Variants in MEIS3 observed in about 807,000 individuals in gnomAD.
MEIS3 encodes the protein Meis homeobox 3, also known as homeobox protein Meis3.
MEIS3 carries 38 observed loss-of-function variants against 51.4 expected under a neutral mutation model. The ratio of observed to expected loss-of-function variants is 0.74; its 90% CI spans 0.57 to 0.97. The LOEUF (loss-of-function observed/expected upper bound fraction) is 0.97. Among genes scored for constraint, MEIS3 ranks in the 50% least tolerant of loss-of-function variants. The probability of loss-of-function intolerance (pLI) is 0.00; values close to 1 mark genes in which losing one functional copy is unlikely to be tolerated. For missense variants in MEIS3, 456 were observed against 502.6 expected (o/e 0.91, Z 0.89); for synonymous variants, 198 against 201.8 (o/e 0.98, Z 0.16).
upstream of MEIS3, among the ~76,000 whole-genome samples, chr19:47,419,915 G>A (rs1407714496): frequency 6.6e-6 from 1 of 152,124 alleles, no homozygotes; most frequent in Non-Finnish European, 1.5e-5. Context: ...CTGGAGTCTG[G>A]TCCCACCGTA....
chr19:47,414,397 G>A (rs1448085036), intron 6 of MEIS3, among the ~76,000 whole-genome samples: 2 of 152,234 alleles, frequency 1.3e-5, no homozygotes, highest in Admixed American at 6.5e-5. Context: ...GTGAGTACCC[G>A]GTGGACGCTA....
chr19:47,413,367 C>T (rs1019763717), intron 6 of MEIS3, among the ~76,000 whole-genome samples: 13 of 150,410 alleles, frequency 8.6e-5, no homozygotes, highest in South Asian at 2.1e-4. Flanking sequence ...CACTCCATTC[C>T]GGTCTGGGTG....
upstream of MEIS3, among the ~76,000 whole-genome samples, chr19:47,421,330 C>T (rs1036335837): frequency 2.6e-5 from 4 of 152,146 alleles, no homozygotes; most frequent in African/African-American, 7.2e-5. Flanking sequence ...GATCTCTCAG[C>T]GGACTGGCCC....
intron 9 of MEIS3, 44 bp downstream of exon 9, chr19:47,407,308 G>C: frequency 6.3e-7 from 1 of 1,593,720 alleles, no homozygotes; most frequent in Non-Finnish European, 8.6e-7. Context: ...CAGCGCCCGG[G>C]CTCTCGCCCC....
At chr19:47,405,502 C>A (rs992570354) in intron 12 of MEIS3, among the ~76,000 whole-genome samples, 6 of 151,990 alleles carry the variant, frequency 3.9e-5, no homozygotes, top group Non-Finnish European at 8.8e-5. Flanking sequence ...CCCCACAAGA[C>A]CAGAATCTTC....
intron 1 of MEIS3, chr19:47,418,033 C>T (rs1299947184): frequency 2.9e-6 from 1 of 345,782 alleles, no homozygotes; most frequent in Non-Finnish European, 5.3e-6. Context: ...GCATTTAGCA[C>T]AGGGCCTGGC....
intron 6 of MEIS3, chr19:47,412,255 GT>G (rs1971170676): frequency 6.6e-6 from 1 of 152,216 alleles, no homozygotes; most frequent in Non-Finnish European, 1.5e-5. Flanking sequence ...TGCAGTAACA[GT>G]TCTTTGTTTT....
upstream of MEIS3, among the ~76,000 whole-genome samples, chr19:47,421,799 C>T (rs2122593258): frequency 6.6e-6 from 1 of 150,376 alleles, no homozygotes; most frequent in East Asian, 2.0e-4. Context: ...GTCTTCTCTG[C>T]CTCATCTTTC....
In MEIS3 at chr19:47,406,980, G is replaced by T; in HGVS notation, c.995-9C>A. 1 of 1,573,868 alleles carries T rather than the reference G, an allele frequency of 6.4e-7. No individual in the cohort carries two copies. The highest frequency in any genetic ancestry group is 2.3e-5 in the East Asian group (1 of 43,340). ...GAAGGCTGCACCCTGCCCTGCGAAG[G>T]GGGTTCAGAGGTGCAGGCTGAGCCC... is the stretch of plus-strand genomic sequence containing the variant. On this transcript the variant is annotated splice_polypyrimidine_tract_variant and intron_variant, in intron 10 of 12. Transcript: ENST00000558555.
At chr19:47,417,428 A>G in intron 1 of MEIS3, 78 bp from the exon 2 acceptor site, 1 of 1,535,592 alleles carries the variant, frequency 6.5e-7, no homozygotes, top group Non-Finnish European at 9.0e-7. Context: ...GAGCTTCTCT[A>G]TCCTGGAACC....
chr19:47,410,492 C>T (rs1599809774), intron 6 of MEIS3, among the ~76,000 whole-genome samples: 2 of 150,584 alleles, frequency 1.3e-5, no homozygotes. Context: ...AAGGGCCGGG[C>T]GCGATGGCTC....
upstream of MEIS3, among the ~76,000 whole-genome samples, chr19:47,420,936 A>ACTCTCT (rs1160473837): frequency 1.4e-4 from 13 of 93,984 alleles, no homozygotes; most frequent in African/African-American, 4.9e-4. Context: ...ACACACACAC[A>ACTCTCT]CACACTCTCT....
At chr19:47,409,732 A>G (rs1243495846) in intron 6 of MEIS3, among the ~76,000 whole-genome samples, 185 bp from the exon 7 acceptor site, 1 of 151,890 alleles carries the variant, frequency 6.6e-6, no homozygotes, top group African/African-American at 2.4e-5. Context: ...GTGTGGTGGC[A>G]TGCACCTGTA....
intron 1 of MEIS3, chr19:47,417,574 C>T: frequency 1.4e-6 from 1 of 707,278 alleles, no homozygotes; most frequent in Non-Finnish European, 2.6e-6. Context: ...AGATTCCTGA[C>T]ATGTGGGCAG....
At chr19:47,417,933 A>C in intron 1 of MEIS3, 1 of 560,846 alleles carries the variant, frequency 1.8e-6, no homozygotes, top group Non-Finnish European at 3.1e-6. Context: ...CCACACACAC[A>C]TGCACACACA....
At chr19:47,412,245 T>C (rs1971170030) in intron 6 of MEIS3, 1 of 152,234 alleles carries the variant, frequency 6.6e-6, no homozygotes, top group Non-Finnish European at 1.5e-5. Flanking sequence ...CCATATGGAC[T>C]GCAGTAACAG....
chr19:47,421,219 C>T (rs1971707168), upstream of MEIS3, among the ~76,000 whole-genome samples: 1 of 152,156 alleles, frequency 6.6e-6, no homozygotes, highest in Non-Finnish European at 1.5e-5. Flanking sequence ...GGGGTCTCCG[C>T]CCTCTAGCCC....
rs1211541844 is a variant in MEIS3 at position 47,407,411 on chromosome 19, C to T, written c.876G>A (p.Glu292=). 3.7e-6 allele frequency: 6 copies of T among 1,613,734 alleles called. No individual in the cohort carries two copies. In the African/African-American group the frequency reaches 8.0e-5, roughly 22 times the overall value. Reference sequence around the variant, plus strand: ...CCTGCGCCAGCTGTTTCTTCTGCTCCTCCGAGGGGTACGGGTGCTGCAGCC... The same window carrying T: ...CCTGCGCCAGCTGTTTCTTCTGCTCTTCCGAGGGGTACGGGTGCTGCAGCC... The part of the protein sequence containing the change: ...FQHLSHPYPS[E]EQKKQLAQDT... The change falls in exon 9 of 13, where the codon GAG becomes GAA. Residue 292 remains glutamate, a synonymous_variant. Coordinates refer to ENST00000558555, the MANE Select transcript of MEIS3 (RefSeq NM_001301059.2).
chr19:47,418,052 T>G lies in MEIS3; in HGVS notation c.13-702A>C, dbSNP rs1399168710. The G allele has an allele frequency of 2.9e-5, 8 of 274,612 alleles. No individual in the cohort carries two copies. The East Asian group carries it at 6.1e-4, about 21-fold the overall frequency. 17.0% of individuals were successfully genotyped at this position (274,612 alleles called of 1,614,324 possible). On this transcript the variant is annotated intron_variant, in intron 1 of 12. Transcript: ENST00000558555. Reference sequence around the variant, plus strand: ...TTAGCACAGGGCCTGGCTCATGCTGTGAGCACTTGTTGCCGGAGAGGGTCA... The same window carrying G: ...TTAGCACAGGGCCTGGCTCATGCTGGGAGCACTTGTTGCCGGAGAGGGTCA...
Sources: allele counts gnomAD v4.1 joint callset (sites outside exome capture counted in the v4.1 genomes callset), GRCh38; gene constraint gnomAD v4.1.1; transcripts MANE v1.5; gene names NCBI Gene and HGNC (gene_info 2026-07-23, HGNC 2026-07-21).